The following PLPBP variants were observed in gnomAD, a reference collection of about 807,000 sequenced individuals.
The protein encoded by PLPBP is pyridoxal phosphate homeostasis protein.
Under a neutral mutation model 31.2 loss-of-function variants are expected in PLPBP, and 21 were observed. The ratio of observed to expected loss-of-function variants is 0.67; its 90% CI spans 0.48 to 0.97. The LOEUF is 0.97. Ranked by LOEUF, PLPBP falls within the 50% of genes least tolerant of loss-of-function variation. The pLI, the probability that PLPBP is intolerant of heterozygous loss-of-function variation, is 0.00. For missense variants in PLPBP, 308 were observed against 354.4 expected, an observed-to-expected ratio of 0.87 and a Z score of 1.05; for synonymous variants, 124 against 135.6, an observed-to-expected ratio of 0.91 and a Z score of 0.59.
At chr8:37,766,647 A>G in intron 4 of PLPBP, 2 of 1,014,844 alleles carry the variant, frequency 2.0e-6, no homozygotes, top group South Asian at 4.4e-5. Flanking sequence ...AAATTTTTTT[A>G]ACTAGCAAAA....
intron 7 of PLPBP, among the ~76,000 whole-genome samples, chr8:37,776,525 A>G (rs926026590): frequency 6.6e-6 from 1 of 150,544 alleles, no homozygotes; most frequent in African/African-American, 2.4e-5. Context: ...AAAGAAATGT[A>G]TAGAAATTAT....
At position 37,762,691 on chromosome 8, in the gene PLPBP, T is replaced by TG; in HGVS notation, c.35dup (p.Val13SerfsTer76). On this transcript the variant is annotated frameshift_variant, in exon 1 of 8. Transcript: ENST00000328195. LOFTEE classifies it high-confidence loss of function. ...AGAGCTGGCAGCATGTCGGCCGAGC[T>TG]GGGAGTCGGGTGCGCATTGCGGGCG... 6 of 1,590,656 alleles carry TG rather than the reference T, an allele frequency of 3.8e-6. No homozygotes were observed. The highest frequency in any genetic ancestry group is 5.1e-6 in the Non-Finnish European group (6 of 1,172,436).
chr8:37,773,175 G>T (rs1803819646), intron 5 of PLPBP, among the ~76,000 whole-genome samples: 1 of 147,940 alleles, frequency 6.8e-6, no homozygotes, highest in Non-Finnish European at 1.5e-5. Flanking sequence ...TTGTATTTTT[G>T]TTTTTTTTTT....
In PLPBP at chr8:37,778,978, T is replaced by C. The variant is rs1047743175; in HGVS notation, c.*874T>C. On this transcript the variant is annotated 3_prime_UTR_variant, in exon 8 of 8. Transcript: ENST00000328195. ...CTTTGATCTCTTGGGAAGTTCTTCA[T>C]AGATGCTGTCACATTTCTTAAAGCA... is the stretch of plus-strand genomic sequence containing the variant. The C allele has an allele frequency of 6.6e-6, 1 of 152,086 alleles. No individual in the cohort carries two copies. Among genetic ancestry groups the C allele is most frequent in the East Asian group, 1.9e-4 (1 of 5,184 alleles). The allele number at this position is 152,086 out of a possible 1,614,324, so 9.4% of individuals were successfully genotyped here.
At position 37,775,861 on chromosome 8, in the gene PLPBP, C is replaced by T. The variant is rs1036358221; in HGVS notation, c.598-57C>T. The T allele has an allele frequency of 4.1e-6, 6 of 1,475,372 alleles. No individual in the cohort carries two copies. The Admixed American group carries it at 8.4e-5, about 21-fold the overall frequency. The allele number at this position is 1,475,372 out of a possible 1,614,324, so 91.4% of individuals were successfully genotyped here. A position where few individuals can be genotyped will look rare whatever the true frequency, so the allele number is the denominator to read the frequency against. On this transcript the variant is annotated intron_variant, in intron 6 of 7. Transcript: ENST00000328195. ...TGTCAGAGAAGTTCAGATTCAGACA[C>T]TTTTGGGCATCGTTAGAGAAGGCAG...
intron 4 of PLPBP, among the ~76,000 whole-genome samples, chr8:37,770,395 A>G (rs1050390985): frequency 3.9e-5 from 6 of 152,230 alleles, no homozygotes; most frequent in African/African-American, 1.4e-4. Flanking sequence ...AATCTCTTCA[A>G]TAAGTGCTGC....
At chr8:37,777,440 C>T (rs2051320637) in intron 7 of PLPBP, among the ~76,000 whole-genome samples, 1 of 152,182 alleles carries the variant, frequency 6.6e-6, no homozygotes, top group South Asian at 2.1e-4. Context: ...CCACACTCTC[C>T]AACCACTGGA....
At chr8:37,776,478 C>CAAAAAAAA (rs915875297) in intron 7 of PLPBP, among the ~76,000 whole-genome samples, 6 of 10,616 alleles carry the variant, frequency 5.7e-4, no homozygotes, top group African/African-American at 7.6e-4. Context: ...GACTCCATCT[C>CAAAAAAAA]AAAAAAAAAA....
chr8:37,776,678 T>C (rs1803921971), intron 7 of PLPBP, among the ~76,000 whole-genome samples: 1 of 152,028 alleles, frequency 6.6e-6, no homozygotes, highest in African/African-American at 2.4e-5. Flanking sequence ...GAAATTAAGC[T>C]ATAATTTTTG....
At chr8:37,766,131 C>G in intron 3 of PLPBP, 149 bp from the exon 4 acceptor site, 1 of 662,508 alleles carries the variant, frequency 1.5e-6, no homozygotes, top group Non-Finnish European at 2.6e-6. Context: ...CCTTTTACCT[C>G]ATTAGGAGGC....
At chr8:37,768,352 C>A (rs570042837) in intron 4 of PLPBP, among the ~76,000 whole-genome samples, 1 of 152,010 alleles carries the variant, frequency 6.6e-6, no homozygotes, top group East Asian at 1.9e-4. Context: ...GTAAGTTAAA[C>A]CCCAAAGCAA....
In PLPBP at chr8:37,762,647, C is replaced by G; in HGVS notation, c.-13C>G. 1 of 1,566,514 alleles carries G rather than the reference C, an allele frequency of 6.4e-7. No individual in the cohort carries two copies. Among genetic ancestry groups the G allele is most frequent in the Non-Finnish European group, 8.6e-7 (1 of 1,159,830 alleles). On this transcript the variant is annotated 5_prime_UTR_variant, in exon 1 of 8. Transcript: ENST00000328195. ...CTGCCGGGGGCCTGGGGCTCGGCGT[C>G]GGTCCCCGGGGGATGTGGAGAGCTG...
intron 5 of PLPBP, among the ~76,000 whole-genome samples, chr8:37,773,469 CTTT>C (rs1381266888): frequency 1.7e-5 from 2 of 119,922 alleles, no homozygotes. Flanking sequence ...CACACTCAGC[CTTT>C]TTTTTTTTTT....
At position 37,766,520 on chromosome 8, in the gene PLPBP, C is replaced by T. The variant is rs1044230320; in HGVS notation, c.319+165C>T. The stretch of plus-strand genomic sequence containing the variant: ...CTTAATAAAAAGAGAAAACATCATG[C>T]CAAGAACAGAATGAATTCACCATTT... On this transcript the variant is annotated intron_variant, in intron 4 of 7. Transcript: ENST00000328195. 53 of 1,272,370 alleles carry T rather than the reference C, an allele frequency of 4.2e-5. No individual in the cohort carries two copies. The Middle Eastern group carries it at 8.2e-4, about 20-fold the overall frequency. The allele number at this position is 1,272,370 out of a possible 1,614,324, so 78.8% of individuals were successfully genotyped here.
At chr8:37,774,826 G>A (rs1027012725) in intron 5 of PLPBP, 2 of 154,332 alleles carry the variant, frequency 1.3e-5, no homozygotes, top group Admixed American at 6.4e-5. Flanking sequence ...TCTTATAACT[G>A]TATAACAAAT....
At chr8:37,771,678 C>T (rs1388578965) in intron 4 of PLPBP, among the ~76,000 whole-genome samples, 2 of 151,936 alleles carry the variant, frequency 1.3e-5, no homozygotes, top group East Asian at 3.9e-4. Flanking sequence ...AAAGCTCTTG[C>T]AGGCTGGGCA....
chr8:37,778,165 T>G lies in PLPBP; in HGVS notation c.*61T>G. The G allele has an allele frequency of 6.3e-7, 1 of 1,580,330 alleles. No individual in the cohort carries two copies. The highest frequency in any genetic ancestry group is 8.6e-7 in the Non-Finnish European group (1 of 1,158,432). On this transcript the variant is annotated 3_prime_UTR_variant, in exon 8 of 8. Coordinates refer to ENST00000328195, the MANE Select transcript of PLPBP (RefSeq NM_007198.4). Reference sequence around the variant, plus strand: ...CCTAGATTTTCATTTCGATATTCCCTGTGTCCCAGCGCAGTCCTGCTCTCC... The same window carrying G: ...CCTAGATTTTCATTTCGATATTCCCGGTGTCCCAGCGCAGTCCTGCTCTCC...
At chr8:37,766,623 G>C in intron 4 of PLPBP, 1 of 1,087,156 alleles carries the variant, frequency 9.2e-7, no homozygotes, top group Non-Finnish European at 1.1e-6. Context: ...AAATTATAAA[G>C]AATTGTAGCC....
At chr8:37,762,860 G>A in intron 1 of PLPBP, 102 bp downstream of exon 1, 2 of 1,431,560 alleles carry the variant, frequency 1.4e-6, no homozygotes, top group Non-Finnish European at 9.3e-7. Context: ...GTCTCCCAGA[G>A]AGGCGGGACT....
Sources: gnomAD v4.1 joint callset for allele counts (sites outside exome capture counted in the v4.1 genomes callset) on GRCh38, gnomAD v4.1.1 for gene constraint, MANE v1.5 for transcripts, NCBI Gene and HGNC (gene_info 2026-07-23, HGNC 2026-07-21) for gene names.